The following METTL15 variants were observed in gnomAD, a reference collection of about 807,000 sequenced individuals.
METTL15 encodes 12S rRNA N(4)-cytidine methyltransferase METTL15.
METTL15 carries 34 observed loss-of-function variants against 38.3 expected under a neutral mutation model. The observed-to-expected ratio is 0.89, with a 90% CI of 0.68 to 1.18. The LOEUF (loss-of-function observed/expected upper bound fraction) is 1.18, where lower values mean the gene tolerates loss of function less well. METTL15 is among the 50% of genes most tolerant of loss of function. The pLI is 0.00. For missense variants in METTL15, 438 were observed against 498.4 expected (o/e 0.88, Z 1.15); for synonymous variants, 162 against 170.9 (o/e 0.95, Z 0.41).
At chr11:28,316,257 G>A (rs1161434023) in intron 6 of METTL15, among the ~76,000 whole-genome samples, 1 of 152,214 alleles carries the variant, frequency 6.6e-6, no homozygotes, top group African/African-American at 2.4e-5. Flanking sequence ...TCTTGCATCA[G>A]TGTGACCTGG....
intron 5 of METTL15, among the ~76,000 whole-genome samples, chr11:28,290,773 A>T (rs1186654321): frequency 6.6e-6 from 1 of 151,890 alleles, no homozygotes; most frequent in African/African-American, 2.4e-5. Context: ...AAAGAACTAC[A>T]TATATTTAAT....
downstream of METTL15, among the ~76,000 whole-genome samples, chr11:28,529,230 C>T (rs1016271145): frequency 1.3e-5 from 2 of 152,094 alleles, no homozygotes; most frequent in African/African-American, 2.4e-5. Flanking sequence ...TAACTTGTGG[C>T]TGAGGCTGTC....
chr11:28,298,273 C>T (rs557014925), intron 6 of METTL15, among the ~76,000 whole-genome samples: 1 of 152,144 alleles, frequency 6.6e-6, no homozygotes, highest in South Asian at 2.1e-4. Flanking sequence ...AATTATTTAG[C>T]TATGTGTTAT....
At chr11:28,235,009 C>G (rs1019593535) in intron 4 of METTL15, among the ~76,000 whole-genome samples, 11 of 151,962 alleles carry the variant, frequency 7.2e-5, no homozygotes, top group Non-Finnish European at 1.3e-4. Flanking sequence ...GATCCAGTTT[C>G]AGCTTTCTAC....
At chr11:28,430,180 G>T (rs1469578313) in intron 6 of METTL15, among the ~76,000 whole-genome samples, 2 of 151,982 alleles carry the variant, frequency 1.3e-5, no homozygotes, top group Non-Finnish European at 2.9e-5. Context: ...CGTCTGGGAA[G>T]TGAGGAGCGT....
At chr11:28,502,336 T>A (rs1851591400) in intron 6 of METTL15, among the ~76,000 whole-genome samples, 1 of 152,174 alleles carries the variant, frequency 6.6e-6, no homozygotes, top group Non-Finnish European at 1.5e-5. Flanking sequence ...ATGAGCTGTA[T>A]GGACTGTACT....
chr11:28,506,736 C>CTT lies in METTL15; in HGVS notation c.*425-19717_*425-19716dup, dbSNP rs71449180. On this transcript the variant is annotated intron_variant and NMD_transcript_variant, in intron 6 of 7. Coordinates refer to the METTL15 transcript ENST00000532947. ...CTGAATTGCTAATCAATCTCAGTCT[C>CTT]TTTTTTTTTTTTTTTTTTTTTTTTT... Among the ~76,000 whole-genome samples, 54 of 111,616 alleles carry CTT rather than the reference C, an allele frequency of 4.8e-4. 1 individual carries two copies. The highest frequency in any genetic ancestry group is 8.7e-4 in the African/African-American group (24 of 27,602). The allele number at this position is 111,616 out of a possible 152,430, so 73.2% of individuals were successfully genotyped here. A position where few individuals can be genotyped will look rare whatever the true frequency, so the allele number is the denominator to read the frequency against.
chr11:28,365,191 A>T (rs1159452708), intron 5 of METTL15, among the ~76,000 whole-genome samples: 2 of 152,170 alleles, frequency 1.3e-5, no homozygotes, highest in African/African-American at 4.8e-5. Flanking sequence ...TGCTGGCTTC[A>T]TAGAATGAGT....
intron 3 of METTL15, among the ~76,000 whole-genome samples, chr11:28,194,005 C>T (rs776846857): frequency 2.0e-5 from 3 of 151,850 alleles, no homozygotes; most frequent in Admixed American, 6.6e-5. Flanking sequence ...CCCACAATAC[C>T]GGTTTGCAAT....
chr11:28,365,116 C>T (rs917247644), intron 5 of METTL15, among the ~76,000 whole-genome samples: 2 of 152,084 alleles, frequency 1.3e-5, no homozygotes. Flanking sequence ...CTATTTTCAT[C>T]AGGGATATTG....
rs563726072 is a variant in METTL15, at chr11:28,398,317, T to C, written c.*359-25982T>C. Among the ~76,000 whole-genome samples, 127 of 152,290 alleles carry C rather than the reference T, an allele frequency of 8.3e-4. 1 individual carries two copies. The highest frequency in any genetic ancestry group is 1.3e-3 in the Non-Finnish European group (89 of 68,028). ...ATAAACCATAAAAAGTTCCTATTTCTCCACATCCTCTTCAGCATCTGTTGT... is the reference window on the plus strand; with the variant it reads ...ATAAACCATAAAAAGTTCCTATTTCCCCACATCCTCTTCAGCATCTGTTGT... On this transcript the variant is annotated intron_variant and NMD_transcript_variant, in intron 5 of 7. Coordinates refer to the METTL15 transcript ENST00000532947.
chr11:28,174,772 G>C (rs1416293935), intron 3 of METTL15, among the ~76,000 whole-genome samples: 1 of 143,974 alleles, frequency 6.9e-6, no homozygotes, highest in Non-Finnish European at 1.5e-5. Context: ...AAGAGATTGC[G>C]CCACTGCACT....
chr11:28,269,711 T>C (rs2133954636), intron 4 of METTL15, among the ~76,000 whole-genome samples: 1 of 152,306 alleles, frequency 6.6e-6, no homozygotes, highest in East Asian at 1.9e-4. Flanking sequence ...ACACATTTAG[T>C]ATAATCAGTT....
intron 6 of METTL15, among the ~76,000 whole-genome samples, chr11:28,526,206 C>T (rs1325342174): frequency 3.3e-5 from 5 of 152,226 alleles, no homozygotes; most frequent in African/African-American, 1.2e-4. Flanking sequence ...CGGCTTCAGC[C>T]TCAACCAGCC....
intron 6 of METTL15, among the ~76,000 whole-genome samples, chr11:28,511,641 G>A (rs190017779): frequency 1.4e-4 from 22 of 152,196 alleles, no homozygotes; most frequent in African/African-American, 4.3e-4. Context: ...TTAAGGCAGC[G>A]CCTCTGGAGT....
At chr11:28,516,043 T>C (rs962989347) in intron 6 of METTL15, among the ~76,000 whole-genome samples, 9 of 152,254 alleles carry the variant, frequency 5.9e-5, no homozygotes, top group Admixed American at 5.9e-4. Flanking sequence ...ACTCATCAAG[T>C]GTACCCTATG....
At chr11:28,357,529 C>T (rs140006034) in intron 4 of METTL15, among the ~76,000 whole-genome samples, 3 of 152,306 alleles carry the variant, frequency 2.0e-5, no homozygotes, top group Non-Finnish European at 4.4e-5. Context: ...CTTGAACAAG[C>T]CATTTAAACT....
At chr11:28,517,153 C>A (rs1851726289) in intron 6 of METTL15, 1 of 152,078 alleles carries the variant, frequency 6.6e-6, no homozygotes, top group Admixed American at 6.5e-5. Context: ...TAAGGAGAAG[C>A]ATGAAAAATG....
intron 4 of METTL15, among the ~76,000 whole-genome samples, chr11:28,256,063 A>T (rs935664963): frequency 5.9e-5 from 9 of 152,292 alleles, no homozygotes; most frequent in African/African-American, 1.9e-4. Flanking sequence ...CTTGGTCATG[A>T]TGAATGATCT....
Sources: allele counts gnomAD v4.1 joint callset (sites outside exome capture counted in the v4.1 genomes callset), GRCh38; gene constraint gnomAD v4.1.1; transcripts MANE v1.5; gene names NCBI Gene and HGNC (gene_info 2026-07-23, HGNC 2026-07-21).